The following NUBPL variants were observed in gnomAD, a reference collection of about 807,000 sequenced individuals.
NUBPL encodes the protein NUBP iron-sulfur cluster assembly factor, mitochondrial, also known as iron-sulfur cluster transfer protein NUBPL.
NUBPL carries 31 observed loss-of-function variants against 45.7 expected under a neutral mutation model. The ratio of observed to expected loss-of-function variants is 0.68; its 90% CI spans 0.51 to 0.92. NUBPL has a LOEUF of 0.92. Among genes scored for constraint, NUBPL ranks in the 40% least tolerant of loss-of-function variants. The pLI is 0.00. For synonymous variants in NUBPL, 144 were observed against 140.9 expected (o/e 1.02, Z -0.15); for missense variants, 401 against 398.7 (o/e 1.01, Z -0.05).
intron 6 of NUBPL, among the ~76,000 whole-genome samples, chr14:31,747,568 C>A (rs888975463): frequency 6.6e-6 from 1 of 152,064 alleles, no homozygotes; most frequent in African/African-American, 2.4e-5. Flanking sequence ...GGAATTTATC[C>A]ATTTCTTCTT....
At chr14:31,751,769 A>C (rs1208576059) in intron 6 of NUBPL, among the ~76,000 whole-genome samples, 2 of 152,202 alleles carry the variant, frequency 1.3e-5, no homozygotes, top group African/African-American at 4.8e-5. Context: ...TGGGGGTTTC[A>C]AACCCCATAT....
intron 4 of NUBPL, among the ~76,000 whole-genome samples, chr14:31,633,511 C>T (rs564183051): frequency 9.1e-4 from 139 of 152,264 alleles, no homozygotes; most frequent in African/African-American, 3.1e-3. Context: ...GATTCAGTCA[C>T]GCGCATTATT....
chr14:31,746,612 A>G (rs543535656), intron 6 of NUBPL, among the ~76,000 whole-genome samples: 75 of 152,064 alleles, frequency 4.9e-4, no homozygotes, highest in Non-Finnish European at 9.9e-4. Flanking sequence ...TTTTACATCT[A>G]TGCTCATCAG....
chr14:31,855,940 G>C (rs1417854902), intron 10 of NUBPL, among the ~76,000 whole-genome samples: 4 of 152,152 alleles, frequency 2.6e-5, no homozygotes, highest in Non-Finnish European at 5.9e-5. Context: ...TACCCCCAGA[G>C]TAACTGTGAA....
intron 6 of NUBPL, among the ~76,000 whole-genome samples, chr14:31,732,406 T>G (rs1023837383): frequency 2.0e-5 from 3 of 151,984 alleles, no homozygotes; most frequent in Admixed American, 2.0e-4. Flanking sequence ...TTATTGTGCT[T>G]AAAAATGTGA....
intron 4 of NUBPL, among the ~76,000 whole-genome samples, chr14:31,639,965 C>G (rs2035634752): frequency 6.6e-6 from 1 of 152,060 alleles, no homozygotes; most frequent in Non-Finnish European, 1.5e-5. Context: ...TGGGAGTGAC[C>G]CGATTTTCCA....
At chr14:31,785,838 A>C (rs1199670486) in intron 6 of NUBPL, among the ~76,000 whole-genome samples, 1 of 152,162 alleles carries the variant, frequency 6.6e-6, no homozygotes, top group African/African-American at 2.4e-5. Context: ...TGTTTGACCC[A>C]ATATCATCTA....
rs981795368 is a variant in NUBPL, at chr14:31,712,077, G to A, written c.513+38503G>A. ...GCTTCCACAGCATGGAAGGGGACCC[G>A]GAGCGGGTTGCTGGCTGCTGGCTGG... On this transcript the variant is annotated intron_variant, in intron 6 of 10. Coordinates refer to ENST00000281081, the MANE Select transcript of NUBPL (RefSeq NM_025152.3). Among the ~76,000 whole-genome samples, 9 of 152,302 alleles carry A rather than the reference G, an allele frequency of 5.9e-5. No homozygotes were observed. The South Asian group carries it at 8.3e-4, about 14-fold the overall frequency.
chr14:31,758,463 A>G (rs557854099), intron 6 of NUBPL, among the ~76,000 whole-genome samples: 19 of 152,294 alleles, frequency 1.2e-4, no homozygotes, highest in African/African-American at 4.6e-4. Context: ...ACAAAATGTC[A>G]AATTTTCTCT....
intron 6 of NUBPL, among the ~76,000 whole-genome samples, chr14:31,699,235 T>C (rs1225778115): frequency 2.0e-5 from 3 of 152,200 alleles, no homozygotes; most frequent in Non-Finnish European, 4.4e-5. Flanking sequence ...ATATTAGACT[T>C]TTATAGTTAG....
At chr14:31,740,295 C>T (rs1442160510) in intron 6 of NUBPL, among the ~76,000 whole-genome samples, 2 of 152,172 alleles carry the variant, frequency 1.3e-5, no homozygotes, top group South Asian at 4.1e-4. Flanking sequence ...TCTTTTGCTC[C>T]ACATCCTCAC....
intron 6 of NUBPL, among the ~76,000 whole-genome samples, chr14:31,785,141 A>G (rs760253989): frequency 6.6e-6 from 1 of 152,210 alleles, no homozygotes; most frequent in Admixed American, 6.5e-5. Context: ...AGATTCAAAT[A>G]AATTCTTTGA....
At chr14:31,764,422 T>G (rs1487711100) in intron 6 of NUBPL, among the ~76,000 whole-genome samples, 1 of 152,190 alleles carries the variant, frequency 6.6e-6, no homozygotes, top group African/African-American at 2.4e-5. Context: ...GTGTCCCCAG[T>G]GTCTGCAACA....
At chr14:31,598,674 C>T (rs1454978148) in intron 3 of NUBPL, among the ~76,000 whole-genome samples, 2 of 152,148 alleles carry the variant, frequency 1.3e-5, no homozygotes, top group African/African-American at 4.8e-5. Context: ...TTAGTTGTTT[C>T]TGAATCCTCT....
chr14:31,701,830 A>G (rs1315390888), intron 6 of NUBPL, among the ~76,000 whole-genome samples: 1 of 152,228 alleles, frequency 6.6e-6, no homozygotes, highest in Admixed American at 6.5e-5. Flanking sequence ...CCGAGAACCC[A>G]CCAATTCCAG....
At position 31,673,336 on chromosome 14, in the gene NUBPL, G is replaced by A. The variant is rs1361349239; in HGVS notation, c.383-19G>A. ...TTGTGTTTTATTGTTCTAAAAGAGA[G>A]GATTTTTTTTTTTTCCAGGCAACCT... On this transcript the variant is annotated intron_variant, in intron 4 of 10. Coordinates refer to ENST00000281081, the MANE Select transcript of NUBPL (RefSeq NM_025152.3). 2.6e-6 allele frequency: 4 copies of A among 1,513,886 alleles called. No homozygotes were observed. The highest frequency in any genetic ancestry group is 3.6e-6 in the Non-Finnish European group (4 of 1,108,032). 93.8% of individuals were successfully genotyped at this position (1,513,886 alleles called of 1,614,324 possible).
chr14:31,741,038 C>T (rs1296154254), intron 6 of NUBPL, among the ~76,000 whole-genome samples: 1 of 152,098 alleles, frequency 6.6e-6, no homozygotes, highest in Admixed American at 6.5e-5. Context: ...CATTAGAGCC[C>T]TTAGCATATT....
intron 4 of NUBPL, among the ~76,000 whole-genome samples, chr14:31,627,730 C>CA (rs2035242636): frequency 7.0e-6 from 1 of 142,498 alleles, no homozygotes; most frequent in Admixed American, 7.3e-5. Flanking sequence ...CGTGCCACTG[C>CA]ACTCCAGCCT....
At chr14:31,678,596 CTGGAG>C (rs2036756033) in intron 6 of NUBPL, among the ~76,000 whole-genome samples, 1 of 152,182 alleles carries the variant, frequency 6.6e-6, no homozygotes, top group Non-Finnish European at 1.5e-5. Flanking sequence ...GTCCATGAGC[CTGGAG>C]TGGGGTCCTC....
Sources: gnomAD v4.1 joint callset for allele counts (sites outside exome capture counted in the v4.1 genomes callset) on GRCh38, gnomAD v4.1.1 for gene constraint, MANE v1.5 for transcripts, NCBI Gene and HGNC (gene_info 2026-07-23, HGNC 2026-07-21) for gene names.